Variants in SRRM4 observed in about 807,000 individuals in gnomAD.
SRRM4 encodes serine/arginine repetitive matrix 4.
SRRM4 carries 33 observed loss-of-function variants against 68.9 expected under a neutral mutation model. That is an observed-to-expected ratio of 0.48 (90% CI 0.36 to 0.64). SRRM4 has a LOEUF of 0.64. Among genes scored for constraint, SRRM4 ranks in the 30% least tolerant of loss-of-function variants. The probability of loss-of-function intolerance (pLI) is 0.00; values close to 1 mark genes in which losing one functional copy is unlikely to be tolerated. For missense variants in SRRM4, 817 were observed against 827.1 expected (o/e 0.99, Z 0.15); for synonymous variants, 318 against 318.8 (o/e 1.00, Z 0.03).
intron 1 of SRRM4, among the ~76,000 whole-genome samples, chr12:119,084,373 G>A (rs931484392): frequency 2.6e-5 from 4 of 152,220 alleles, no homozygotes; most frequent in South Asian, 2.1e-4. Context: ...GAGGACTAGA[G>A]TCATGCACTA....
chr12:119,115,311 TTAA>T (rs1954172115), intron 3 of SRRM4, among the ~76,000 whole-genome samples: 1 of 152,186 alleles, frequency 6.6e-6, no homozygotes, highest in South Asian at 2.1e-4. Flanking sequence ...TCCAATTCCT[TTAA>T]AATTTTTTTA....
chr12:119,067,391 G>T (rs935869852), intron 1 of SRRM4, among the ~76,000 whole-genome samples: 11 of 152,064 alleles, frequency 7.2e-5, no homozygotes, highest in African/African-American at 2.7e-4. Context: ...AGTCTATCAG[G>T]TCAGATCTTG....
At chr12:119,156,287 A>C (rs1255372619) in intron 12 of SRRM4, among the ~76,000 whole-genome samples, 1 of 152,214 alleles carries the variant, frequency 6.6e-6, no homozygotes, top group African/African-American at 2.4e-5. Context: ...AAAAAGTGAG[A>C]TAATCATTTT....
At chr12:119,059,030 T>G (rs1263021978) in intron 1 of SRRM4, among the ~76,000 whole-genome samples, 1 of 152,164 alleles carries the variant, frequency 6.6e-6, no homozygotes, top group Admixed American at 6.6e-5. Flanking sequence ...TGGAGACACC[T>G]CTGCCCAGCC....
chr12:119,120,647 T>C (rs1025249515), intron 5 of SRRM4, among the ~76,000 whole-genome samples: 1 of 152,218 alleles, frequency 6.6e-6, no homozygotes, highest in African/African-American at 2.4e-5. Flanking sequence ...CCTCGTATAC[T>C]GGACACACTG....
chr12:118,988,856 C>T (rs535386326), intron 1 of SRRM4, among the ~76,000 whole-genome samples: 1 of 152,226 alleles, frequency 6.6e-6, no homozygotes, highest in Admixed American at 6.5e-5. Context: ...AGGGAATGAG[C>T]TGCTTTGTTG....
intron 1 of SRRM4, among the ~76,000 whole-genome samples, chr12:119,075,751 AATGATGATGGTG>A (rs1249341065): frequency 2.2e-5 from 2 of 90,996 alleles, no homozygotes; most frequent in African/African-American, 8.8e-5. Flanking sequence ...TGATGGTGGT[AATGATGATGGTG>A]ATGATGGTGG....
In SRRM4 at chr12:119,159,338, G is replaced by C. The variant is rs1954494962; in HGVS notation, c.*2540G>C. On this transcript the variant is annotated 3_prime_UTR_variant, in exon 13 of 13. Coordinates refer to ENST00000267260, the MANE Select transcript of SRRM4 (RefSeq NM_194286.4). ...GACACAGTGGAGTTGCAACTTAGGTGGGGGTTGGAGTCGAAAGTTGGCAAA... is the reference window on the plus strand; with the variant it reads ...GACACAGTGGAGTTGCAACTTAGGTCGGGGTTGGAGTCGAAAGTTGGCAAA... 1 of 152,416 alleles carries C rather than the reference G, an allele frequency of 6.6e-6. No individual in the cohort carries two copies. The highest frequency in any genetic ancestry group is 2.4e-5 in the African/African-American group (1 of 41,442). The allele number at this position is 152,416 out of a possible 1,614,324, so 9.4% of individuals were successfully genotyped here.
intron 1 of SRRM4, among the ~76,000 whole-genome samples, chr12:119,033,158 T>C (rs1205271516): frequency 2.0e-5 from 3 of 152,210 alleles, no homozygotes; most frequent in African/African-American, 7.2e-5. Flanking sequence ...TTTGTTTTAA[T>C]TTTTTATGAA....
intron 1 of SRRM4, among the ~76,000 whole-genome samples, chr12:119,027,478 T>G (rs1594033269): frequency 6.6e-6 from 1 of 152,356 alleles, no homozygotes; most frequent in Admixed American, 6.5e-5. Flanking sequence ...GCTAGTAATC[T>G]TATCTTTTAA....
chr12:119,152,032 C>T (rs1289955896), intron 10 of SRRM4, among the ~76,000 whole-genome samples: 2 of 152,122 alleles, frequency 1.3e-5, no homozygotes, highest in Non-Finnish European at 2.9e-5. Context: ...GTTTCAATAG[C>T]TATTGGTAAT....
At chr12:119,089,428 G>A (rs12826537) in intron 1 of SRRM4, among the ~76,000 whole-genome samples, 32,387 of 152,138 alleles carry the variant, frequency 0.21, 4,202 homozygotes, top group Non-Finnish European at 0.28. Context: ...TCACTGTGGA[G>A]GAGGCATTTC....
At chr12:119,095,454 G>A (rs1027774563) in intron 1 of SRRM4, among the ~76,000 whole-genome samples, 26 of 152,294 alleles carry the variant, frequency 1.7e-4, no homozygotes, top group African/African-American at 6.0e-4. Context: ...AAGTACTTTT[G>A]CCTCTCCAGG....
intron 1 of SRRM4, among the ~76,000 whole-genome samples, chr12:118,987,671 C>T (rs573077078): frequency 6.6e-6 from 1 of 152,168 alleles, no homozygotes; most frequent in African/African-American, 2.4e-5. Flanking sequence ...GCTGTGAGGA[C>T]TGGATGAGCT....
At chr12:118,996,683 G>A (rs1158730513) in intron 1 of SRRM4, among the ~76,000 whole-genome samples, 1 of 152,194 alleles carries the variant, frequency 6.6e-6, no homozygotes, top group Admixed American at 6.5e-5. Context: ...AGGTATCATT[G>A]TCTCCATTTT....
In SRRM4 at chr12:119,102,354, C is replaced by T. The variant is rs764884067; in HGVS notation, c.250C>T (p.Arg84Trp). The change falls in exon 2 of 13, where the codon CGG becomes TGG. Residue 84 changes from arginine to tryptophan, a missense_variant. Arg to Trp is a moderately radical substitution (Grantham distance 101). Coordinates refer to ENST00000267260, the MANE Select transcript of SRRM4 (RefSeq NM_194286.4). The part of the protein sequence containing the change: ...TNSWERDKTC[R>W]ELGATRGHSA... Reference sequence around the variant, plus strand: ...CAGTTGGGAGAGAGACAAGACCTGTCGGGAACTGGGTGCCACCAGAGGACA... The same window carrying T: ...CAGTTGGGAGAGAGACAAGACCTGTTGGGAACTGGGTGCCACCAGAGGACA... 2.5e-5 allele frequency: 41 copies of T among 1,612,802 alleles called. No individual in the cohort carries two copies. In the Admixed American group the frequency reaches 5.2e-4, roughly 20 times the overall value.
In SRRM4 at chr12:119,006,780, A is replaced by G. The variant is rs1373578698; in HGVS notation, c.131+24767A>G. 2.0e-5 allele frequency among the ~76,000 whole-genome samples: 3 copies of G among 152,270 alleles called. No individual in the cohort carries two copies. In the East Asian group the frequency reaches 5.8e-4, roughly 29 times the overall value. Reference sequence around the variant, plus strand: ...CTGATTCTATTGGTCAAATGCGACCATAAGCAAGAAAGAGTTTGCAGCTTC... The same window carrying G: ...CTGATTCTATTGGTCAAATGCGACCGTAAGCAAGAAAGAGTTTGCAGCTTC... On this transcript the variant is annotated intron_variant, in intron 1 of 12. Transcript: ENST00000267260.
intron 1 of SRRM4, among the ~76,000 whole-genome samples, chr12:119,028,003 G>T (rs1283948608): frequency 6.6e-6 from 1 of 152,224 alleles, no homozygotes; most frequent in Non-Finnish European, 1.5e-5. Context: ...TGCTTTGCAC[G>T]TGTTGTTGCT....
chr12:119,131,147 T>A lies in SRRM4; in HGVS notation c.771+313T>A, dbSNP rs1435867723. On this transcript the variant is annotated intron_variant, in intron 8 of 12. Coordinates refer to ENST00000267260, the MANE Select transcript of SRRM4 (RefSeq NM_194286.4). ...CATGTTTAAGATACCATAGGAGGAT[T>A]TTTTGTTTGTTTGTTTGTTTTTGGG... is the stretch of plus-strand genomic sequence containing the variant. Among the ~76,000 whole-genome samples, 3 of 152,132 alleles carry A rather than the reference T, an allele frequency of 2.0e-5. No homozygotes were observed. The East Asian group carries it at 5.8e-4, about 29-fold the overall frequency.
Sources: allele counts gnomAD v4.1 joint callset (sites outside exome capture counted in the v4.1 genomes callset), GRCh38; gene constraint gnomAD v4.1.1; transcripts MANE v1.5; gene names NCBI Gene and HGNC (gene_info 2026-07-23, HGNC 2026-07-21).